Variants in RGPD6 observed in about 807,000 individuals in gnomAD.
RGPD6 encodes RANBP2 like and GRIP domain containing 6, also known as RANBP2-like and GRIP domain-containing protein 5/6.
At chr2:110,609,805 T>G in the RGPD6 span, among the ~76,000 whole-genome samples, 1 of 106,958 alleles carries the variant, frequency 9.3e-6, no homozygotes, top group African/African-American at 3.7e-5. Flanking sequence ...TAGTGCTGGT[T>G]GGAAACATTT....
At chr2:110,604,747 G>A in the RGPD6 span, among the ~76,000 whole-genome samples, 1 of 146,264 alleles carries the variant, frequency 6.8e-6, no homozygotes, top group Admixed American at 6.8e-5. Flanking sequence ...ACAAAATCTT[G>A]CATTCCATAT....
At chr2:110,600,150 T>C in the RGPD6 span, among the ~76,000 whole-genome samples, 1 of 140,404 alleles carries the variant, frequency 7.1e-6, no homozygotes, top group Non-Finnish European at 1.6e-5. Context: ...CACTGTAACC[T>C]GAGTCCAGAC....
chr2:110,592,848 G>A, the RGPD6 span, among the ~76,000 whole-genome samples: 4 of 143,400 alleles, frequency 2.8e-5, no homozygotes, highest in Non-Finnish European at 4.5e-5. Context: ...TGAGAAGAAC[G>A]TATCATGGAT....
At chr2:110,592,547 C>T in the RGPD6 span, among the ~76,000 whole-genome samples, 1 of 144,672 alleles carries the variant, frequency 6.9e-6, no homozygotes, top group Non-Finnish European at 1.5e-5. Context: ...CTTTGGGAGG[C>T]CGAGGTGGGC....
chr2:110,596,969 T>TCA, the RGPD6 span, among the ~76,000 whole-genome samples: 1 of 26,720 alleles, frequency 3.7e-5, no homozygotes, highest in East Asian at 7.3e-4. Flanking sequence ...ATAATATATA[T>TCA]TATGTATATA....
the RGPD6 span, among the ~76,000 whole-genome samples, chr2:110,602,149 A>T: frequency 1.3e-5 from 2 of 148,950 alleles, no homozygotes; most frequent in Non-Finnish European, 3.0e-5. Context: ...TGGAAACCGC[A>T]GCTAGGTTTG....
the RGPD6 span, among the ~76,000 whole-genome samples, chr2:110,607,330 T>C: frequency 7.3e-5 from 11 of 151,560 alleles, no homozygotes; most frequent in African/African-American, 2.2e-4. Context: ...AAACCAGAAA[T>C]TGGAAGTGGA....
the RGPD6 span, among the ~76,000 whole-genome samples, chr2:110,596,937 AT>A: frequency 8.3e-6 from 1 of 120,770 alleles, no homozygotes; most frequent in Non-Finnish European, 1.6e-5. Context: ...TATATTATAT[AT>A]ATTTTATATA....
the RGPD6 span, among the ~76,000 whole-genome samples, chr2:110,608,615 A>G: frequency 1.1e-4 from 7 of 64,526 alleles, no homozygotes; most frequent in Non-Finnish European, 1.8e-4. Flanking sequence ...TATCAGAAAC[A>G]TATAAGCTTT....
chr2:110,589,528 T>G, the RGPD6 span, among the ~76,000 whole-genome samples: 1 of 152,056 alleles, frequency 6.6e-6, no homozygotes, highest in Admixed American at 6.5e-5. Context: ...ATCAGCCGGT[T>G]TGCAGTTCAG....
chr2:110,606,044 C>G, the RGPD6 span, among the ~76,000 whole-genome samples: 5 of 151,602 alleles, frequency 3.3e-5, no homozygotes, highest in African/African-American at 9.8e-5. Context: ...CCCTGTACAG[C>G]AGGGTTTCCT....
the RGPD6 span, among the ~76,000 whole-genome samples, chr2:110,606,111 G>A: frequency 6.6e-6 from 1 of 151,796 alleles, no homozygotes; most frequent in Non-Finnish European, 1.5e-5. Context: ...AAAAGAGAAA[G>A]AAAGAGGATA....
chr2:110,601,284 G>T, the RGPD6 span, among the ~76,000 whole-genome samples: 1 of 143,258 alleles, frequency 7.0e-6, no homozygotes. Flanking sequence ...CAGGGCAAAA[G>T]CCCAGACAAT....
chr2:110,591,761 A>G, the RGPD6 span, among the ~76,000 whole-genome samples: 10 of 151,058 alleles, frequency 6.6e-5, no homozygotes, highest in African/African-American at 2.2e-4. Context: ...AACCACTCTC[A>G]GCCTGTTACC....
chr2:110,610,686 C>T, the RGPD6 span, among the ~76,000 whole-genome samples: 8 of 143,524 alleles, frequency 5.6e-5, no homozygotes, highest in African/African-American at 1.0e-4. Flanking sequence ...CGCTCCCGCC[C>T]GCCCGAAGCG....
the RGPD6 span, among the ~76,000 whole-genome samples, chr2:110,603,872 G>C: frequency 6.7e-6 from 1 of 149,878 alleles, no homozygotes; most frequent in African/African-American, 2.5e-5. Context: ...ATCATATCCC[G>C]GGTGGTAGTT....
the RGPD6 span, among the ~76,000 whole-genome samples, chr2:110,607,431 AC>A: frequency 6.8e-6 from 1 of 148,022 alleles, no homozygotes; most frequent in Non-Finnish European, 1.5e-5. Flanking sequence ...GGCTCAAAAA[AC>A]CCATCCTGAA....
chr2:110,600,967 A>T, the RGPD6 span, among the ~76,000 whole-genome samples: 1 of 151,746 alleles, frequency 6.6e-6, no homozygotes, highest in African/African-American at 2.4e-5. Context: ...GCCTGGCAGG[A>T]TGTTTCAGAA....
chr2:110,605,994 T>C, the RGPD6 span, among the ~76,000 whole-genome samples: 135 of 151,790 alleles, frequency 8.9e-4, 5 homozygotes, highest in African/African-American at 3.2e-3. Context: ...GTATGGCTTA[T>C]TCTTCTATTA....
Sources: allele counts gnomAD v4.1 joint callset (sites outside exome capture counted in the v4.1 genomes callset), GRCh38; gene constraint gnomAD v4.1.1; transcripts MANE v1.5; gene names NCBI Gene and HGNC (gene_info 2026-07-23, HGNC 2026-07-21).